The following GAP43 variants were observed in gnomAD, a reference collection of about 807,000 sequenced individuals.
GAP43 encodes the protein growth associated protein 43.
GAP43 carries 6 observed loss-of-function variants against 18.6 expected under a neutral mutation model. The ratio of observed to expected loss-of-function variants is 0.32; its 90% CI spans 0.18 to 0.64. The LOEUF is 0.64. Ranked by LOEUF, GAP43 falls within the 30% of genes least tolerant of loss-of-function variation. GAP43 has a pLI of 0.78. For synonymous variants in GAP43, 115 were observed against 111.4 expected (o/e 1.03, Z -0.20); for missense variants, 292 against 295.5 (o/e 0.99, Z 0.09).
rs939086385 is a variant in GAP43 at position 115,715,915 on chromosome 3, T to C, written c.629-4879T>C. 3.9e-5 allele frequency among the ~76,000 whole-genome samples: 6 copies of C among 152,332 alleles called. No individual in the cohort carries two copies. In the South Asian group the frequency reaches 6.2e-4, roughly 16 times the overall value. ...TCTGCTGAGATAACTCTGTCCTACG[T>C]TGGAATTTACAGTGTGGCCTTACGT... On this transcript the variant is annotated intron_variant, in intron 2 of 2. Coordinates refer to ENST00000305124, the MANE Select transcript of GAP43 (RefSeq NM_002045.4).
At chr3:115,713,530 T>C (rs1329653926) in intron 2 of GAP43, among the ~76,000 whole-genome samples, 1 of 152,248 alleles carries the variant, frequency 6.6e-6, no homozygotes, top group African/African-American at 2.4e-5. Flanking sequence ...GCAACCAGGC[T>C]GCCTGGCTGA....
At chr3:115,637,162 A>C (rs573133461) in intron 1 of GAP43, among the ~76,000 whole-genome samples, 3 of 152,102 alleles carry the variant, frequency 2.0e-5, no homozygotes, top group African/African-American at 7.2e-5. Flanking sequence ...TTTGCAGCAC[A>C]TACTACCTGT....
intron 2 of GAP43, among the ~76,000 whole-genome samples, chr3:115,699,236 C>T (rs1315652895): frequency 6.6e-6 from 1 of 152,224 alleles, no homozygotes; most frequent in Non-Finnish European, 1.5e-5. Context: ...CTTGTCACCA[C>T]ATGTGTGAAG....
intron 2 of GAP43, among the ~76,000 whole-genome samples, chr3:115,713,024 A>C (rs1306103708): frequency 6.6e-6 from 1 of 152,232 alleles, no homozygotes; most frequent in Non-Finnish European, 1.5e-5. Flanking sequence ...TTAAAATGTG[A>C]AACATGGTAA....
intron 1 of GAP43, 61 bp downstream of exon 1, chr3:115,623,780 C>T (rs186369565): frequency 8.2e-6 from 13 of 1,590,182 alleles, no homozygotes; most frequent in Admixed American, 5.0e-5. Context: ...AGTATTTCCC[C>T]GTAAAGGCAA....
chr3:115,708,024 TAC>T (rs1389002177), intron 2 of GAP43, among the ~76,000 whole-genome samples: 1 of 151,324 alleles, frequency 6.6e-6, no homozygotes, highest in South Asian at 2.1e-4. Flanking sequence ...CATATATATA[TAC>T]ACACACACAC....
At chr3:115,670,770 A>G (rs760718702) in intron 1 of GAP43, among the ~76,000 whole-genome samples, 39 of 152,124 alleles carry the variant, frequency 2.6e-4, no homozygotes, top group Non-Finnish European at 4.6e-4. Flanking sequence ...TGGTTCCTTT[A>G]CAGGCTGTAG....
rs145422477 is a variant in GAP43, at chr3:115,698,326, T to C, written c.628+21716T>C. Among the ~76,000 whole-genome samples, 892 of 101,414 alleles carry C rather than the reference T, an allele frequency of 8.8e-3. 19 individuals are homozygous for C. Among genetic ancestry groups the C allele is most frequent in the African/African-American group, 0.033 (870 of 26,466 alleles). The allele number at this position is 101,414 out of a possible 152,430, so 66.5% of individuals were successfully genotyped here. ...ATATAAAATATATATAATATATATATATAAAACCAGTTCTGTCGGTCATGA... is the reference window on the plus strand; with the variant it reads ...ATATAAAATATATATAATATATATACATAAAACCAGTTCTGTCGGTCATGA... On this transcript the variant is annotated intron_variant, in intron 2 of 2. Coordinates refer to ENST00000305124, the MANE Select transcript of GAP43 (RefSeq NM_002045.4).
At chr3:115,623,787 G>A in intron 1 of GAP43, 68 bp downstream of exon 1, 2 of 1,574,592 alleles carry the variant, frequency 1.3e-6, no homozygotes, top group South Asian at 1.1e-5. Flanking sequence ...CCCCGTAAAG[G>A]CAAACAATTT....
At chr3:115,683,139 G>A (rs1463660329) in intron 2 of GAP43, among the ~76,000 whole-genome samples, 350 of 126,166 alleles carry the variant, frequency 2.8e-3, no homozygotes, top group South Asian at 6.6e-3. Flanking sequence ...GCGCGTGCGC[G>A]CGCGCGCGCA....
intron 1 of GAP43, among the ~76,000 whole-genome samples, chr3:115,653,744 C>A (rs910393928): frequency 5.9e-5 from 9 of 152,172 alleles, no homozygotes; most frequent in Non-Finnish European, 1.3e-4. Flanking sequence ...TGGGCCTTAT[C>A]TCTGAAGTCC....
At chr3:115,719,676 G>A (rs1400620574) in intron 2 of GAP43, among the ~76,000 whole-genome samples, 1 of 152,154 alleles carries the variant, frequency 6.6e-6, no homozygotes. Flanking sequence ...TTGCCCATGC[G>A]CAACTTTCAG....
At chr3:115,674,341 T>A (rs1472336605) in intron 1 of GAP43, among the ~76,000 whole-genome samples, 1 of 152,226 alleles carries the variant, frequency 6.6e-6, no homozygotes, top group Non-Finnish European at 1.5e-5. Flanking sequence ...AGTAGCCATG[T>A]TGGGGCACCA....
At chr3:115,706,616 G>T (rs1381303706) in intron 2 of GAP43, among the ~76,000 whole-genome samples, 1 of 152,134 alleles carries the variant, frequency 6.6e-6, no homozygotes, top group African/African-American at 2.4e-5. Context: ...CTTGATTCTT[G>T]TATTACTGAA....
chr3:115,698,287 A>ATATAATAT (rs1709247656), intron 2 of GAP43, among the ~76,000 whole-genome samples: 13 of 37,856 alleles, frequency 3.4e-4, no homozygotes, highest in Non-Finnish European at 5.0e-4. Context: ...ATATAAATAT[A>ATATAATAT]ATATATATAT....
At chr3:115,711,368 A>G (rs1709435784) in intron 2 of GAP43, among the ~76,000 whole-genome samples, 1 of 152,188 alleles carries the variant, frequency 6.6e-6, no homozygotes, top group African/African-American at 2.4e-5. Flanking sequence ...GATAATGACC[A>G]CTTGCAATCA....
chr3:115,672,524 G>A (rs1279027375), intron 1 of GAP43, among the ~76,000 whole-genome samples: 1 of 152,080 alleles, frequency 6.6e-6, no homozygotes, highest in Non-Finnish European at 1.5e-5. Flanking sequence ...TGCAGTTTAA[G>A]GAATATTAAT....
chr3:115,659,415 G>A (rs1334520012), intron 1 of GAP43, among the ~76,000 whole-genome samples: 3 of 152,252 alleles, frequency 2.0e-5, no homozygotes, highest in East Asian at 3.9e-4. Flanking sequence ...GTGGAAAGAA[G>A]TGAGATGATT....
chr3:115,637,241 C>T (rs1331527632), intron 1 of GAP43, among the ~76,000 whole-genome samples: 3 of 151,944 alleles, frequency 2.0e-5, no homozygotes, highest in African/African-American at 7.3e-5. Context: ...CTGATTCTGC[C>T]AAGTAGTTTG....
Sources: gnomAD v4.1 joint callset for allele counts (sites outside exome capture counted in the v4.1 genomes callset) on GRCh38, gnomAD v4.1.1 for gene constraint, MANE v1.5 for transcripts, NCBI Gene and HGNC (gene_info 2026-07-23, HGNC 2026-07-21) for gene names.